The following EXOC2 variants were observed in gnomAD, a reference collection of about 807,000 sequenced individuals.
The protein encoded by EXOC2 is SEC5-like 1.
In EXOC2, 70 loss-of-function variants were observed where a neutral mutation model predicts 131.8. That is an observed-to-expected ratio of 0.53 (90% CI 0.44 to 0.65). The LOEUF (loss-of-function observed/expected upper bound fraction) is 0.65, where lower values mean the gene tolerates loss of function less well. Ranked by LOEUF, EXOC2 falls within the 30% of genes least tolerant of loss-of-function variation. The pLI is 0.00. For missense variants in EXOC2, 923 were observed against 1,108.6 expected, an observed-to-expected ratio of 0.83 and a Z score of 2.38; for synonymous variants, 411 against 398.4, an observed-to-expected ratio of 1.03 and a Z score of -0.38.
intron 16 of EXOC2, among the ~76,000 whole-genome samples, chr6:563,160 C>T (rs1757787937): frequency 6.6e-6 from 1 of 152,182 alleles, no homozygotes; most frequent in South Asian, 2.1e-4. Flanking sequence ...CAACACTAGG[C>T]ATGTACAAAA....
chr6:645,152 ATATGAT>A (rs1762522204), intron 1 of EXOC2, among the ~76,000 whole-genome samples: 1 of 152,150 alleles, frequency 6.6e-6, no homozygotes, highest in South Asian at 2.1e-4. Context: ...AAACAAACAC[ATATGAT>A]TATATGAGTT....
chr6:495,643 G>A (rs991608327), intron 25 of EXOC2, among the ~76,000 whole-genome samples: 3 of 152,164 alleles, frequency 2.0e-5, no homozygotes, highest in Non-Finnish European at 2.9e-5. Flanking sequence ...GCTGCATCGC[G>A]TCCTCGATGA....
At chr6:493,256 G>C (rs1470661484) in intron 25 of EXOC2, among the ~76,000 whole-genome samples, 1 of 152,110 alleles carries the variant, frequency 6.6e-6, no homozygotes, top group Admixed American at 6.5e-5. Flanking sequence ...CAATTGTTTG[G>C]TTTCATTTTT....
intron 1 of EXOC2, among the ~76,000 whole-genome samples, chr6:692,264 A>G (rs1206095695): frequency 2.0e-5 from 3 of 152,250 alleles, no homozygotes; most frequent in Non-Finnish European, 4.4e-5. Context: ...GCAGATTAAA[A>G]ATAACTTACT....
intron 1 of EXOC2, among the ~76,000 whole-genome samples, chr6:648,343 G>C (rs1157736059): frequency 6.6e-6 from 1 of 152,080 alleles, no homozygotes; most frequent in Non-Finnish European, 1.5e-5. Context: ...ATCACTCTCA[G>C]GAAAGAGTCT....
In EXOC2 at chr6:690,958, C is replaced by T. The variant is rs370953442; in HGVS notation, c.-44+2061G>A. ...TTATTTCCCAGTTTCAAAATCCTCT[C>T]AACAGTGACCTAAAATTCATCCATT... On this transcript the variant is annotated intron_variant, in intron 1 of 27. Transcript: ENST00000230449. Among the ~76,000 whole-genome samples, 154 of 152,274 alleles carry T rather than the reference C, an allele frequency of 1.0e-3. 1 individual carries two copies. The highest frequency in any genetic ancestry group is 3.4e-3 in the African/African-American group (142 of 41,562).
intron 2 of EXOC2, among the ~76,000 whole-genome samples, chr6:635,107 A>T (rs1431495707): frequency 6.6e-6 from 1 of 152,242 alleles, no homozygotes; most frequent in African/African-American, 2.4e-5. Flanking sequence ...ATATTAACCC[A>T]CTTCAGAATG....
intron 23 of EXOC2, among the ~76,000 whole-genome samples, chr6:500,023 TATATAG>T (rs1368148157): frequency 5.9e-5 from 9 of 152,112 alleles, no homozygotes; most frequent in Non-Finnish European, 1.3e-4. Context: ...ACAGAGAATA[TATATAG>T]ATAAGTATCT....
At chr6:614,712 T>A (rs753936441) in intron 6 of EXOC2, among the ~76,000 whole-genome samples, 17 of 152,192 alleles carry the variant, frequency 1.1e-4, no homozygotes, top group Non-Finnish European at 2.4e-4. Flanking sequence ...GAAAGAGATT[T>A]GTCTGTCATG....
At chr6:571,209 G>C (rs751426889) in intron 13 of EXOC2, among the ~76,000 whole-genome samples, 2 of 152,194 alleles carry the variant, frequency 1.3e-5, no homozygotes, top group Non-Finnish European at 2.9e-5. Flanking sequence ...AGAAAAGAAA[G>C]TTGTGTATTG....
chr6:690,265 A>G (rs1404728691), intron 1 of EXOC2, among the ~76,000 whole-genome samples: 1 of 152,140 alleles, frequency 6.6e-6, no homozygotes, highest in Non-Finnish European at 1.5e-5. Context: ...CTGAGGTAGA[A>G]GGATTTCTGG....
intron 10 of EXOC2, among the ~76,000 whole-genome samples, chr6:595,830 G>A (rs1270695025): frequency 3.3e-5 from 5 of 152,082 alleles, no homozygotes; most frequent in Non-Finnish European, 7.3e-5. Flanking sequence ...CAACCTCCCT[G>A]CAACTCTGTC....
At chr6:561,460 T>C (rs1038158711) in intron 17 of EXOC2, among the ~76,000 whole-genome samples, 1 of 152,222 alleles carries the variant, frequency 6.6e-6, no homozygotes, top group African/African-American at 2.4e-5. Flanking sequence ...AATTTAAAAA[T>C]ACTGTGCAGG....
intron 11 of EXOC2, among the ~76,000 whole-genome samples, chr6:582,756 T>C (rs1271360010): frequency 7.0e-6 from 1 of 141,980 alleles, no homozygotes; most frequent in African/African-American, 3.1e-5. Flanking sequence ...CATATATATG[T>C]ATATATATAT....
intron 1 of EXOC2, among the ~76,000 whole-genome samples, chr6:658,026 T>C (rs904410577): frequency 2.6e-5 from 4 of 152,228 alleles, no homozygotes; most frequent in African/African-American, 9.6e-5. Context: ...TCTAGGGTCA[T>C]GCTTTCAAAG....
intron 1 of EXOC2, chr6:656,518 G>T: frequency 6.2e-7 from 1 of 1,605,376 alleles, no homozygotes; most frequent in Non-Finnish European, 8.5e-7. Flanking sequence ...AGGCAGTCCC[G>T]CCACACTCTC....
chr6:539,881 T>C (rs527856356), intron 22 of EXOC2, among the ~76,000 whole-genome samples: 73 of 152,308 alleles, frequency 4.8e-4, no homozygotes, highest in African/African-American at 1.7e-3. Context: ...GCAGGACAGG[T>C]GGCAAACTGA....
intron 3 of EXOC2, among the ~76,000 whole-genome samples, chr6:630,252 CA>C (rs1761778544): frequency 6.8e-6 from 1 of 148,076 alleles, no homozygotes; most frequent in African/African-American, 2.5e-5. Flanking sequence ...TTTGCAATAA[CA>C]AACATATTTT....
At chr6:560,403 C>T (rs1433725122) in intron 17 of EXOC2, among the ~76,000 whole-genome samples, 1 of 152,148 alleles carries the variant, frequency 6.6e-6, no homozygotes, top group Non-Finnish European at 1.5e-5. Context: ...TAATGTTAGC[C>T]ACAAACAGAA....
Sources: allele counts gnomAD v4.1 joint callset (sites outside exome capture counted in the v4.1 genomes callset), GRCh38; gene constraint gnomAD v4.1.1; transcripts MANE v1.5; gene names NCBI Gene and HGNC (gene_info 2026-07-23, HGNC 2026-07-21).